OXNAD1: variants seen among roughly 807,000 people sequenced by gnomAD.
The protein encoded by OXNAD1 is oxidoreductase NAD-binding domain-containing protein 1.
OXNAD1 carries 34 observed loss-of-function variants against 32.9 expected under a neutral mutation model. That is an observed-to-expected ratio of 1.03 (90% confidence interval 0.79 to 1.38). OXNAD1 has a LOEUF of 1.38. OXNAD1 is among the 40% of genes most tolerant of loss of function. The probability of loss-of-function intolerance (pLI) is 0.00; values close to 1 mark genes in which losing one functional copy is unlikely to be tolerated. For synonymous variants in OXNAD1, 134 were observed against 135.2 expected, an observed-to-expected ratio of 0.99 and a Z score of 0.06; for missense variants, 407 against 379.4, an observed-to-expected ratio of 1.07 and a Z score of -0.60.
chr3:16,279,536 C>T (rs951399002), intron 4 of OXNAD1, among the ~76,000 whole-genome samples: 3 of 151,684 alleles, frequency 2.0e-5, no homozygotes, highest in Non-Finnish European at 2.9e-5. Context: ...GTTGAGGCCA[C>T]GTAGAGAGTA....
At position 16,320,606 on chromosome 3, in the gene OXNAD1, C is replaced by G. The variant is rs192352014; in HGVS notation, c.*31-16506C>G. ...AAAGGAGAGCTCTGAAGGAGAAGAA[C>G]GTGGTTCTTTTCCAGGGTAGTACAA... On this transcript the variant is annotated intron_variant, in intron 9 of 9. Coordinates refer to the OXNAD1 transcript ENST00000435829. This position sits in a 1 kb window ranked among gnomAD's most constrained non-coding sequence, Gnocchi z 4.5. 6.6e-6 allele frequency among the ~76,000 whole-genome samples: 1 copy of G among 152,192 alleles called. No homozygotes were observed. Among genetic ancestry groups the G allele is most frequent in the Non-Finnish European group, 1.5e-5 (1 of 68,036 alleles).
rs149577873 is a variant in OXNAD1, at chr3:16,345,627, C to T, written c.*31-3549C>T. On this transcript the variant is annotated intron_variant, in intron 9 of 9. Transcript: ENST00000606098. The surrounding 1 kb of genome is among the most constrained non-coding windows in gnomAD (Gnocchi z 5.2). Reference sequence around the variant, plus strand: ...TCTTCTGCCCTTGTTGCTCCTGGTTCTCAGGGCTTGGGACCTGGACTGGAG... The same window carrying T: ...TCTTCTGCCCTTGTTGCTCCTGGTTTTCAGGGCTTGGGACCTGGACTGGAG... 4.5e-3 allele frequency among the ~76,000 whole-genome samples: 685 copies of T among 152,244 alleles called. 11 individuals are homozygous for T. The highest frequency in any genetic ancestry group is 0.015 in the African/African-American group (622 of 41,538).
rs1359249994 is a variant in OXNAD1 at position 16,346,020 on chromosome 3, T to C, written c.*31-3156T>C. ...TCTTCCTCTGCAGCAAGAATCAAAATTCACTTTGCCCCATGATCTTCACCA... is the reference window on the plus strand; with the variant it reads ...TCTTCCTCTGCAGCAAGAATCAAAACTCACTTTGCCCCATGATCTTCACCA... On this transcript the variant is annotated intron_variant, in intron 9 of 9. Transcript: ENST00000606098. This position sits in a 1 kb window ranked among gnomAD's most constrained non-coding sequence, Gnocchi z 4.4. 1 of 152,162 alleles carries C rather than the reference T, an allele frequency of 6.6e-6. No individual in the cohort carries two copies. The highest frequency in any genetic ancestry group is 2.4e-5 in the African/African-American group (1 of 41,434). The allele number at this position is 152,162 out of a possible 1,614,324, so 9.4% of individuals were successfully genotyped here.
chr3:16,268,094 G>T (rs2064664749), intron 1 of OXNAD1, among the ~76,000 whole-genome samples: 1 of 152,068 alleles, frequency 6.6e-6, no homozygotes, highest in South Asian at 2.1e-4. Flanking sequence ...ATATTGATCT[G>T]CTGTGGTTGA....
At chr3:16,276,275 A>G (rs559154290) in intron 4 of OXNAD1, 162 of 222,518 alleles carry the variant, frequency 7.3e-4, no homozygotes, top group Non-Finnish European at 1.2e-3. Flanking sequence ...ATTTAATACA[A>G]GTGATTTTTC....
downstream of OXNAD1, among the ~76,000 whole-genome samples, chr3:16,337,753 AAAAAG>A (rs1333494270): frequency 2.6e-5 from 4 of 151,922 alleles, no homozygotes; most frequent in East Asian, 1.9e-4. This position sits in a 1 kb window ranked among gnomAD's most constrained non-coding sequence, Gnocchi z 5.0. Context: ...AAAAAAAAAA[AAAAAG>A]AAAAGAAAGT....
chr3:16,313,720 T>G (rs1036548705), intron 9 of OXNAD1: 1 of 152,032 alleles, frequency 6.6e-6, no homozygotes, highest in Non-Finnish European at 1.5e-5. Context: ...GTAGACTGGG[T>G]CTAGTTAGCA....
In OXNAD1 at chr3:16,303,742, CA is replaced by C; in HGVS notation, c.*183del. On this transcript the variant is annotated 3_prime_UTR_variant, in exon 9 of 9. Coordinates refer to ENST00000285083, the MANE Select transcript of OXNAD1 (RefSeq NM_138381.5). This position sits in a 1 kb window ranked among gnomAD's most constrained non-coding sequence, Gnocchi z 4.8. ...GCAGACTTAAATGATAAACTTTTTG[CA>C]AAGACCTCAGTGATCAAACTATTTT... The C allele has an allele frequency of 1.7e-6, 1 of 584,336 alleles. No individual in the cohort carries two copies. The highest frequency in any genetic ancestry group is 2.9e-5 in the South Asian group (1 of 34,522). 36.2% of individuals were successfully genotyped at this position (584,336 alleles called of 1,614,324 possible).
rs2070755545 is a variant in OXNAD1, at chr3:16,335,513, A to G, written c.*31-1599A>G. 6.6e-6 allele frequency among the ~76,000 whole-genome samples: 1 copy of G among 152,230 alleles called. No individual in the cohort carries two copies. The highest frequency in any genetic ancestry group is 2.4e-5 in the African/African-American group (1 of 41,456). On this transcript the variant is annotated intron_variant, in intron 9 of 9. Coordinates refer to the OXNAD1 transcript ENST00000435829. This position sits in a 1 kb window ranked among gnomAD's most constrained non-coding sequence, Gnocchi z 4.7. The stretch of plus-strand genomic sequence containing the variant: ...ATCCTTAGCAAACTAACGCAGGAAC[A>G]GAAAATCAAACACCACATGTTCTCA...
In OXNAD1 at chr3:16,296,135, C is replaced by T. The variant is rs114706126; in HGVS notation, c.432+1138C>T. Among the ~76,000 whole-genome samples, 1,198 of 152,214 alleles carry T rather than the reference C, an allele frequency of 7.9e-3. 14 individuals are homozygous for T. Among genetic ancestry groups the T allele is most frequent in the African/African-American group, 0.028 (1,148 of 41,514 alleles). ...CAAGGTTCAGTTAGGAGAGAAGGCA[C>T]GCAAAGAATCACACAGGCAAATCAT... On this transcript the variant is annotated intron_variant, in intron 6 of 8. Transcript: ENST00000285083.
In OXNAD1 at chr3:16,318,038, A is replaced by C. The variant is rs539627369; in HGVS notation, c.*30+14446A>C. Among the ~76,000 whole-genome samples, 44 of 152,286 alleles carry C rather than the reference A, an allele frequency of 2.9e-4. No individual in the cohort carries two copies. The South Asian group carries it at 7.1e-3, about 24-fold the overall frequency. Reference sequence around the variant, plus strand: ...TCAGAGGCCGCTTCCCGGGGGCCCAACCTGCAACCAAGCATTTCCTGGTGT... The same window carrying C: ...TCAGAGGCCGCTTCCCGGGGGCCCACCCTGCAACCAAGCATTTCCTGGTGT... On this transcript the variant is annotated intron_variant, in intron 9 of 9. Transcript: ENST00000435829.
chr3:16,300,236 T>C (rs1019361367), intron 6 of OXNAD1, among the ~76,000 whole-genome samples: 2 of 152,120 alleles, frequency 1.3e-5, no homozygotes, highest in African/African-American at 4.8e-5. Context: ...CTCTAACTAA[T>C]ACAAAGGAGA....
rs545690219 is a variant in OXNAD1 at position 16,284,386 on chromosome 3, A to C, written c.184-1956A>C. Among the ~76,000 whole-genome samples, 1 of 140,240 alleles carries C rather than the reference A, an allele frequency of 7.1e-6. No homozygotes were observed. Among genetic ancestry groups the C allele is most frequent in the African/African-American group, 3.1e-5 (1 of 32,062 alleles). The allele number at this position is 140,240 out of a possible 152,430, so 92.0% of individuals were successfully genotyped here. A position where few individuals can be genotyped will look rare whatever the true frequency, so the allele number is the denominator to read the frequency against. On this transcript the variant is annotated intron_variant, in intron 4 of 8. Transcript: ENST00000285083. This position sits in a 1 kb window ranked among gnomAD's most constrained non-coding sequence, Gnocchi z 4.1. The stretch of plus-strand genomic sequence containing the variant: ...GCTGATTGTCATTGTGCAGACATAG[A>C]GTGTACTTAAACAAACCTGGAGGGG...
chr3:16,341,531 GC>G (rs2071317262), downstream of OXNAD1, among the ~76,000 whole-genome samples: 1 of 152,150 alleles, frequency 6.6e-6, no homozygotes, highest in Non-Finnish European at 1.5e-5. The surrounding 1 kb of genome is among the most constrained non-coding windows in gnomAD (Gnocchi z 4.7). Context: ...AGTGAAAGAA[GC>G]CAACTGGAAA....
At position 16,271,733 on chromosome 3, in the gene OXNAD1, T is replaced by C. The variant is rs752625143; in HGVS notation, c.183+11T>C. The C allele has an allele frequency of 3.1e-6, 5 of 1,604,070 alleles. No individual in the cohort carries two copies. The highest frequency in any genetic ancestry group is 2.7e-5 in the African/African-American group (2 of 74,076). ...GTCCTTCGACGGGAGGTTTGTATCT[T>C]TGGGGTATGACAGGTTTTTCCAGCT... On this transcript the variant is annotated intron_variant, in intron 4 of 8. Transcript: ENST00000285083. This position sits in a 1 kb window ranked among gnomAD's most constrained non-coding sequence, Gnocchi z 4.6.
chr3:16,292,454 A>G (rs1264991326), intron 5 of OXNAD1, among the ~76,000 whole-genome samples: 1 of 152,086 alleles, frequency 6.6e-6, no homozygotes, highest in Non-Finnish European at 1.5e-5. Flanking sequence ...CGGCCTCCCA[A>G]AGTGCTGGGA....
chr3:16,277,703 G>C lies in OXNAD1; in HGVS notation c.183+5981G>C, dbSNP rs1575069414. Among the ~76,000 whole-genome samples the C allele has an allele frequency of 6.6e-6, 1 of 152,298 alleles. No homozygotes were observed. Among genetic ancestry groups the C allele is most frequent in the South Asian group, 2.1e-4 (1 of 4,820 alleles). On this transcript the variant is annotated intron_variant, in intron 4 of 8. Transcript: ENST00000285083. The surrounding 1 kb of genome is among the most constrained non-coding windows in gnomAD (Gnocchi z 4.3). ...CGACAGGAAATGGAATACTCACCCA[G>C]AAATGTTCTTTTGGTTTTGGGCATG...
intron 4 of OXNAD1, among the ~76,000 whole-genome samples, chr3:16,278,410 A>G (rs1332899787): frequency 5.9e-5 from 9 of 152,186 alleles, no homozygotes; most frequent in Non-Finnish European, 1.0e-4. Context: ...CCATTCTGGG[A>G]GGGACATGTA....
At chr3:16,291,402 G>T (rs1480065041) in intron 5 of OXNAD1, among the ~76,000 whole-genome samples, 1 of 152,170 alleles carries the variant, frequency 6.6e-6, no homozygotes, top group Non-Finnish European at 1.5e-5. Context: ...ACTCTGTAAT[G>T]ATTCTTATTC....
Sources: gnomAD v4.1 joint callset for allele counts (sites outside exome capture counted in the v4.1 genomes callset) on GRCh38, gnomAD v4.1.1 for gene constraint, Gnocchi (gnomAD v3.1) non-coding constraint, MANE v1.5 for transcripts, NCBI Gene and HGNC (gene_info 2026-07-23, HGNC 2026-07-21) for gene names.